FAM110A: variants seen among roughly 807,000 people sequenced by gnomAD.
FAM110A encodes protein FAM110A.
A neutral mutation model predicts 4.0 loss-of-function variants in FAM110A; 1 was observed. The ratio of observed to expected loss-of-function variants is 0.25; its 90% CI spans 0.09 to 1.20. The LOEUF is 1.20. FAM110A is among the 50% of genes most tolerant of loss of function. The pLI, the probability that FAM110A is intolerant of heterozygous loss-of-function variation, is 0.50. For missense variants in FAM110A, 436 were observed against 429.2 expected, an observed-to-expected ratio of 1.02 and a Z score of -0.14; for synonymous variants, 217 against 196.8, an observed-to-expected ratio of 1.10 and a Z score of -0.86.
At chr20:844,596 G>A in intron 1 of FAM110A, 112 bp from the exon 2 acceptor site, 1 of 647,414 alleles carries the variant, frequency 1.5e-6, no homozygotes. Flanking sequence ...TTGTGGAGGG[G>A]CGTGGTCTCT....
At chr20:839,911 C>T in intron 1 of FAM110A, 2 of 1,589,688 alleles carry the variant, frequency 1.3e-6, no homozygotes, top group Non-Finnish European at 1.7e-6. Flanking sequence ...TCCTTCTTGG[C>T]CACCATGACT....
chr20:839,939 T>A, intron 1 of FAM110A: 1 of 1,545,906 alleles, frequency 6.5e-7, no homozygotes, highest in African/African-American at 1.4e-5. Flanking sequence ...TAAAAAGGAG[T>A]TCATGAATGG....
chr20:843,594 C>G (rs1025849514), intron 1 of FAM110A, among the ~76,000 whole-genome samples: 7 of 152,174 alleles, frequency 4.6e-5, no homozygotes, highest in Admixed American at 2.6e-4. Context: ...TGGGGAACAC[C>G]CAGATTAAGT....
chr20:833,883 G>C lies in FAM110A; in HGVS notation c.-166G>C, dbSNP rs963940641. 6.6e-6 allele frequency: 1 copy of C among 152,330 alleles called. No homozygotes were observed. The highest frequency in any genetic ancestry group is 1.5e-5 in the Non-Finnish European group (1 of 68,132). 9.4% of individuals were successfully genotyped at this position (152,330 alleles called of 1,614,324 possible). A position where few individuals can be genotyped will look rare whatever the true frequency, so the allele number is the denominator to read the frequency against. On this transcript the variant is annotated 5_prime_UTR_variant, in exon 1 of 2. Transcript: ENST00000381941. The surrounding 1 kb of genome is among the most constrained non-coding windows in gnomAD (Gnocchi z 4.1). ...CGTTGGGAGCGGCCACTACCGGCCC[G>C]GGTCCGAGCTGTCAGCCTCTCCAAA...
At position 844,791 on chromosome 20, in the gene FAM110A, G is replaced by A; in HGVS notation, c.-14G>A. On this transcript the variant is annotated 5_prime_UTR_variant, in exon 2 of 2. Coordinates refer to ENST00000381941, the MANE Select transcript of FAM110A (RefSeq NM_001042353.3). ...GGTCTCCGCAGACTAAAGCCCTCGG[G>A]ATATGCAGCAGCCATGCCTGTGCAC... 9 of 1,445,446 alleles carry A rather than the reference G, an allele frequency of 6.2e-6. No homozygotes were observed. The highest frequency in any genetic ancestry group is 8.2e-6 in the Non-Finnish European group (9 of 1,103,760). 89.5% of individuals were successfully genotyped at this position (1,445,446 alleles called of 1,614,324 possible). A position where few individuals can be genotyped will look rare whatever the true frequency, so the allele number is the denominator to read the frequency against.
In FAM110A at chr20:845,563, G is replaced by A. The variant is rs141923977; in HGVS notation, c.759G>A (p.Ser253=). 7.3e-5 allele frequency: 117 copies of A among 1,613,748 alleles called. No homozygotes were observed. In the African/African-American group the frequency reaches 8.1e-4, roughly 11 times the overall value. The part of the protein sequence containing the change: ...SSEGGCSRRS[S]VTVEERARER... ...AAGGGGGCTGCTCCCGCCGCAGCTC[G>A]GTGACTGTTGAGGAGCGGGCCCGGG... The change falls in exon 2 of 2, where the codon TCG becomes TCA. Residue 253 remains serine (S), a synonymous_variant. Coordinates refer to ENST00000381941, the MANE Select transcript of FAM110A (RefSeq NM_001042353.3).
intron 1 of FAM110A, chr20:839,439 C>T (rs1422302666): frequency 5.6e-6 from 4 of 714,654 alleles, no homozygotes; most frequent in Non-Finnish European, 1.0e-5. Context: ...AAATAATCCT[C>T]TCCAATTTTA....
chr20:845,409 T>C lies in FAM110A; in HGVS notation c.605T>C (p.Leu202Pro). The stretch of plus-strand genomic sequence containing the variant: ...CGCTTTTCTAGGGCAGCCGCTGATC[T>C]CGAGCGCTTTTTTAACTTCTGCGGC... Reference protein sequence around the residue: ...SERFSRAAADLERFFNFCGLD... With the variant: ...SERFSRAAADPERFFNFCGLD... The change falls in exon 2 of 2, where the codon CTC becomes CCC. Residue 202 changes from leucine to proline, a missense_variant. By Grantham distance (98) the Leu-to-Pro change is moderately conservative. Transcript: ENST00000381941. 6.2e-7 allele frequency: 1 copy of C among 1,613,746 alleles called. No individual in the cohort carries two copies.
Position 845,414 on chromosome 20 carries a change from C to T in FAM110A, c.610C>T (p.Arg204Cys). 1 of 1,613,770 alleles carries T rather than the reference C, an allele frequency of 6.2e-7. No individual in the cohort carries two copies. The change falls in exon 2 of 2, where the codon CGC becomes TGC. Residue 204 changes from arginine (R) to cysteine (C), a missense_variant. Transcript: ENST00000381941. ...TTCTAGGGCAGCCGCTGATCTCGAG[C>T]GCTTTTTTAACTTCTGCGGCCTGGA... ...RFSRAAADLERFFNFCGLDPE... is the reference protein window; with the variant it reads ...RFSRAAADLECFFNFCGLDPE...
In FAM110A at chr20:840,745, C is replaced by T. The variant is rs1473650018; in HGVS notation, c.-97-3963C>T. Among the ~76,000 whole-genome samples the T allele has an allele frequency of 1.3e-5, 2 of 152,082 alleles. No individual in the cohort carries two copies. The highest frequency in any genetic ancestry group is 4.8e-5 in the African/African-American group (2 of 41,362). On this transcript the variant is annotated intron_variant, in intron 1 of 1. Transcript: ENST00000381941. The surrounding 1 kb of genome is among the most constrained non-coding windows in gnomAD (Gnocchi z 4.4). ...GGGACACACAGCTAGAAAGTGGTGG[C>T]GTTAAGCCTTGGTCTGGAGGGAAAG...
chr20:845,799 C>T lies in FAM110A; in HGVS notation c.*107C>T. The T allele has an allele frequency of 6.6e-7, 1 of 1,507,220 alleles. No individual in the cohort carries two copies. Among genetic ancestry groups the T allele is most frequent in the East Asian group, 2.4e-5 (1 of 41,934 alleles). The allele number at this position is 1,507,220 out of a possible 1,614,324, so 93.4% of individuals were successfully genotyped here. The stretch of plus-strand genomic sequence containing the variant: ...AGACGGCCGTGTCAGAGGCTCCACC[C>T]TGTTGTGAACTTGGTATGGAGGCAA... On this transcript the variant is annotated 3_prime_UTR_variant, in exon 2 of 2. Transcript: ENST00000381941.
At position 845,276 on chromosome 20, in the gene FAM110A, C is replaced by T; in HGVS notation, c.472C>T (p.Pro158Ser). 6.7e-7 allele frequency: 1 copy of T among 1,499,756 alleles called. No individual in the cohort carries two copies. The highest frequency in any genetic ancestry group is 1.3e-5 in the South Asian group (1 of 75,776). 92.9% of individuals were successfully genotyped at this position (1,499,756 alleles called of 1,614,324 possible). A position where few individuals can be genotyped will look rare whatever the true frequency, so the allele number is the denominator to read the frequency against. Residue 158 changes from proline (P) to serine (S), a missense_variant, in exon 2 of 2, where the codon CCC becomes TCC. Transcript: ENST00000381941. ...TGCGGTCCGCCGGGTGGACGTCCGCCCCCTGCCCGCCTCGCCTGCCCGGCC... is the reference window on the plus strand; with the variant it reads ...TGCGGTCCGCCGGGTGGACGTCCGCTCCCTGCCCGCCTCGCCTGCCCGGCC... ...TSAVRRVDVR[P>S]LPASPARPCP...
chr20:841,300 G>C (rs1031065275), intron 1 of FAM110A: 1 of 152,188 alleles, frequency 6.6e-6, no homozygotes, highest in African/African-American at 2.4e-5. Flanking sequence ...GCAGGCCAGC[G>C]GCGCGGGCGC....
At chr20:844,519 G>T (rs905379404) in intron 1 of FAM110A, among the ~76,000 whole-genome samples, 189 bp from the exon 2 acceptor site, 7 of 152,142 alleles carry the variant, frequency 4.6e-5, no homozygotes, top group Non-Finnish European at 8.8e-5. Flanking sequence ...TCCCGGGGCA[G>T]GAGGGAGGGG....
rs910321845 is a variant in FAM110A at position 844,766 on chromosome 20, G to A, written c.-39G>A. The A allele has an allele frequency of 1.4e-6, 2 of 1,387,336 alleles. No individual in the cohort carries two copies. The highest frequency in any genetic ancestry group is 2.9e-5 in the East Asian group (1 of 35,056). 85.9% of individuals were successfully genotyped at this position (1,387,336 alleles called of 1,614,324 possible). On this transcript the variant is annotated 5_prime_UTR_variant, in exon 2 of 2. Transcript: ENST00000381941. ...CGGATCTCTGGCTCCTCATCTCTCC[G>A]GTCTCCGCAGACTAAAGCCCTCGGG... is the stretch of plus-strand genomic sequence containing the variant.
At chr20:843,323 T>C (rs1980050406) in intron 1 of FAM110A, among the ~76,000 whole-genome samples, 1 of 152,096 alleles carries the variant, frequency 6.6e-6, no homozygotes, top group Non-Finnish European at 1.5e-5. Context: ...CACTCCCTTC[T>C]GGATTTTTGG....
chr20:845,041 T>C lies in FAM110A; in HGVS notation c.237T>C (p.Pro79=). 1 of 1,592,864 alleles carries C rather than the reference T, an allele frequency of 6.3e-7. No homozygotes were observed. The highest frequency in any genetic ancestry group is 8.5e-7 in the Non-Finnish European group (1 of 1,170,600). ...TGTCCAAACAGCCGCTCTTTAGCCC[T>C]GAGACTCGCCGCACAGTGCTCACGC... ...PLLSKQPLFS[P]ETRRTVLTPS... is the part of the protein sequence containing the mutation. Residue 79 remains proline, a synonymous_variant, in exon 2 of 2, where the codon CCT becomes CCC. Transcript: ENST00000381941.
intron 1 of FAM110A, among the ~76,000 whole-genome samples, chr20:844,501 C>T (rs1277880891): frequency 6.6e-6 from 1 of 151,994 alleles, no homozygotes; most frequent in East Asian, 1.9e-4. Flanking sequence ...CTCAGCTGGG[C>T]CTGGTTCTCC....
chr20:841,870 G>A (rs769153565), intron 1 of FAM110A, among the ~76,000 whole-genome samples: 1 of 152,238 alleles, frequency 6.6e-6, no homozygotes, highest in Non-Finnish European at 1.5e-5. Flanking sequence ...GGGCTGTTGA[G>A]GTCAGCTCAC....
Sources: gnomAD v4.1 joint callset for allele counts (sites outside exome capture counted in the v4.1 genomes callset) on GRCh38, gnomAD v4.1.1 for gene constraint, Gnocchi (gnomAD v3.1) non-coding constraint, MANE v1.5 for transcripts, NCBI Gene and HGNC (gene_info 2026-07-23, HGNC 2026-07-21) for gene names.